The following MYBBP1A variants were observed in gnomAD, a reference collection of about 807,000 sequenced individuals.
MYBBP1A encodes MYB binding protein 1a.
In MYBBP1A, 147 loss-of-function variants were observed where a neutral mutation model predicts 136.3. The ratio of observed to expected loss-of-function variants is 1.08; its 90% CI spans 0.94 to 1.24. The LOEUF (loss-of-function observed/expected upper bound fraction) is 1.24, where lower values mean the gene tolerates loss of function less well. Ranked by LOEUF, MYBBP1A falls within the 50% of genes most tolerant of loss-of-function variation. The pLI, the probability that MYBBP1A is intolerant of heterozygous loss-of-function variation, is 0.00. For synonymous variants in MYBBP1A, 947 were observed against 735.8 expected (o/e 1.29, Z -4.65); for missense variants, 2,060 against 1,727.4 (o/e 1.19, Z -3.41).
chr17:4,545,251 G>T lies in MYBBP1A; in HGVS notation c.2160+8C>A. 9 of 1,612,116 alleles carry T rather than the reference G, an allele frequency of 5.6e-6. No homozygotes were observed. Among genetic ancestry groups the T allele is most frequent in the Non-Finnish European group, 7.6e-6 (9 of 1,179,774 alleles). Reference sequence around the variant, plus strand: ...CCACCGCCCCCGCCCGGCCCATGCTGGCAACACCTCTGCACCCTTCAGCCG... The same window carrying T: ...CCACCGCCCCCGCCCGGCCCATGCTTGCAACACCTCTGCACCCTTCAGCCG... On this transcript the variant is annotated splice_region_variant and intron_variant, in intron 16 of 25. Transcript: ENST00000254718.
chr17:4,544,914 T>G lies in MYBBP1A; in HGVS notation c.2318A>C (p.Glu773Ala), dbSNP rs148686428. Residue 773 changes from glutamate (E) to alanine (A), a missense_variant, in exon 18 of 26, where the codon GAG becomes GCG. Transcript: ENST00000254718. ...CAGCTCCTCCTCGTTCTCACTGTCC[T>G]CTCCACCCTGAGGGACAGAGGCCCA... ...VLQAGKALGG[E>A]DSENEEELGD... The G allele has an allele frequency of 6.3e-7, 1 of 1,599,768 alleles. No homozygotes were observed. Among genetic ancestry groups the G allele is most frequent in the Non-Finnish European group, 8.5e-7 (1 of 1,171,996 alleles).
intron 19 of MYBBP1A, among the ~76,000 whole-genome samples, chr17:4,543,791 G>A (rs556095125): frequency 3.9e-5 from 6 of 152,060 alleles, no homozygotes; most frequent in African/African-American, 1.2e-4. Context: ...GCCTGCCACC[G>A]CCTCCCTCCT....
intron 5 of MYBBP1A, among the ~76,000 whole-genome samples, chr17:4,553,034 C>A (rs1028863253): frequency 2.0e-5 from 3 of 152,280 alleles, no homozygotes; most frequent in East Asian, 3.9e-4. Flanking sequence ...GTTGGCCAGG[C>A]TGGTCTTGAA....
rs147930403 is a variant in MYBBP1A at position 4,552,253 on chromosome 17, C to A, written c.777G>T (p.Lys259Asn). The part of the protein sequence containing the change: ...NVLKMAASSV[K>N]KDRKLPAIAL... ...CAATGGCGGGCAGCTTGCGGTCCTT[C>A]TTCACAGAGGAGGCGGCCATCTTCA... Residue 259 changes from lysine to asparagine, a missense_variant, in exon 7 of 26, where the codon AAG (lysine) becomes AAT (asparagine). Transcript: ENST00000254718. This position sits in a 1 kb window ranked among gnomAD's most constrained non-coding sequence, Gnocchi z 4.7. The A allele has an allele frequency of 1.3e-5, 21 of 1,614,194 alleles. No individual in the cohort carries two copies. The African/African-American group carries it at 2.0e-4, about 15-fold the overall frequency.
Position 4,552,530 on chromosome 17 carries a change from G to A in MYBBP1A, c.658C>T (p.Leu220=). ...TTGGAGGGCACCTTCTGCTGGGCCAGGAGGAAGAGCTCTAGCTGTTCAGGG... is the reference window on the plus strand; with the variant it reads ...TTGGAGGGCACCTTCTGCTGGGCCAAGAGGAAGAGCTCTAGCTGTTCAGGG... ...SSPEQLELFL[L]AQQKVPSKLK... The change falls in exon 6 of 26, where the codon CTG becomes TTG. Residue 220 remains leucine (L), a synonymous_variant. Coordinates refer to ENST00000254718, the MANE Select transcript of MYBBP1A (RefSeq NM_014520.4). This position sits in a 1 kb window ranked among gnomAD's most constrained non-coding sequence, Gnocchi z 4.7. The A allele has an allele frequency of 6.2e-7, 1 of 1,614,058 alleles. No homozygotes were observed. The highest frequency in any genetic ancestry group is 8.5e-7 in the Non-Finnish European group (1 of 1,180,046).
intron 4 of MYBBP1A, 43 bp from the exon 5 acceptor site, chr17:4,553,960 A>T (rs199527841): frequency 1.9e-6 from 3 of 1,612,990 alleles, no homozygotes; most frequent in Non-Finnish European, 2.5e-6. Context: ...AGGGCACACG[A>T]CTGTCCCCCA....
chr17:4,548,316 C>G lies in MYBBP1A; in HGVS notation c.1557-6G>C, dbSNP rs746092948. 3.0e-5 allele frequency: 49 copies of G among 1,611,376 alleles called. No homozygotes were observed. In the East Asian group the frequency reaches 1.1e-3, roughly 35 times the overall value. On this transcript the variant is annotated splice_polypyrimidine_tract_variant and splice_region_variant and intron_variant, in intron 11 of 25. Coordinates refer to ENST00000254718, the MANE Select transcript of MYBBP1A (RefSeq NM_014520.4). This position sits in a 1 kb window ranked among gnomAD's most constrained non-coding sequence, Gnocchi z 4.2. ...TGCTGAGGGTCTGCAACAGACTGGG[C>G]AAGGGATGGGGCTTGGGGTCAGCAG... is the stretch of plus-strand genomic sequence containing the variant.
chr17:4,545,201 C>T (rs753308622), intron 16 of MYBBP1A, 26 bp from the exon 17 acceptor site: 17 of 1,613,056 alleles, frequency 1.1e-5, no homozygotes, highest in Middle Eastern at 1.6e-4. Context: ...AGGCGCGTCA[C>T]ACACCTCCCC....
chr17:4,553,993 T>TCC (rs530898533), intron 4 of MYBBP1A, 26 bp downstream of exon 4: 4 of 1,613,518 alleles, frequency 2.5e-6, no homozygotes, highest in East Asian at 4.5e-5. Context: ...CAGCCTACAT[T>TCC]CCCCCAGTCC....
In MYBBP1A at chr17:4,545,901, G is replaced by A. The variant is rs1251071463; in HGVS notation, c.1866C>T (p.Thr622=). The change falls in exon 14 of 26, where the codon ACC becomes ACT. Residue 622 remains threonine, a synonymous_variant. Transcript: ENST00000254718. The part of the protein sequence containing the change: ...ESCDLLGDIQ[T]CIRKSLGEKP... ...TCTCTCCCAGACTTTTCCTGATGCAGGTCTGGATGTCACCCAGCAGGTCAC... is the reference window on the plus strand; with the variant it reads ...TCTCTCCCAGACTTTTCCTGATGCAAGTCTGGATGTCACCCAGCAGGTCAC... The A allele has an allele frequency of 1.2e-6, 2 of 1,613,278 alleles. No homozygotes were observed. Among genetic ancestry groups the A allele is most frequent in the East Asian group, 4.5e-5 (2 of 44,886 alleles).
rs766924248 is a variant in MYBBP1A at position 4,554,243 on chromosome 17, G to A, written c.330C>T (p.Ser110=). ...ATTTTTCTTGTATCTGCTGCAGGAT[G>A]CTGCACAAGGGGAGGTCTTCAAAAG... ...LQSFEDLPLC[S]ILQQIQEKYD... Residue 110 remains serine, a synonymous_variant, in exon 3 of 26, where the codon AGC becomes AGT. Coordinates refer to ENST00000254718, the MANE Select transcript of MYBBP1A (RefSeq NM_014520.4). 17 of 1,613,968 alleles carry A rather than the reference G, an allele frequency of 1.1e-5. No individual in the cohort carries two copies. The highest frequency in any genetic ancestry group is 1.4e-5 in the Non-Finnish European group (17 of 1,180,032).
chr17:4,541,224 CT>C (rs1567603220), intron 24 of MYBBP1A, among the ~76,000 whole-genome samples: 2 of 152,362 alleles, frequency 1.3e-5, no homozygotes, highest in African/African-American at 2.4e-5. Flanking sequence ...ACCCCACCCC[CT>C]CTCACCCCGC....
At chr17:4,550,007 G>A in intron 9 of MYBBP1A, 51 bp downstream of exon 9, 4 of 1,557,490 alleles carry the variant, frequency 2.6e-6, no homozygotes, top group Non-Finnish European at 3.5e-6. Flanking sequence ...GGCTCTGCAG[G>A]CCTAGGAAGT....
At position 4,539,397 on chromosome 17, in the gene MYBBP1A, G is replaced by T. The variant is rs767050209; in HGVS notation, c.*18C>A. The stretch of plus-strand genomic sequence containing the variant: ...CAGGCAGATGGAGGCAGGGGCTGAG[G>T]GGGGCCCGTACCTGTGCTCAGGGCT... On this transcript the variant is annotated 3_prime_UTR_variant, in exon 26 of 26. Coordinates refer to ENST00000254718, the MANE Select transcript of MYBBP1A (RefSeq NM_014520.4). The T allele has an allele frequency of 1.3e-6, 2 of 1,575,090 alleles. No individual in the cohort carries two copies. Among genetic ancestry groups the T allele is most frequent in the Non-Finnish European group, 1.7e-6 (2 of 1,159,704 alleles).
At chr17:4,550,380 C>T in intron 8 of MYBBP1A, 27 bp from the exon 9 acceptor site, 1 of 1,588,112 alleles carries the variant, frequency 6.3e-7, no homozygotes. Context: ...TGGCGCTGAG[C>T]CCACCAGCCC....
rs201359670 is a variant in MYBBP1A at position 4,552,579 on chromosome 17, G to C, written c.609C>G (p.Ala203=). 1 of 1,613,918 alleles carries C rather than the reference G, an allele frequency of 6.2e-7. No individual in the cohort carries two copies. The highest frequency in any genetic ancestry group is 8.5e-7 in the Non-Finnish European group (1 of 1,180,012). Residue 203 remains alanine, a synonymous_variant, in exon 6 of 26, where the codon GCC becomes GCG. Coordinates refer to ENST00000254718, the MANE Select transcript of MYBBP1A (RefSeq NM_014520.4). The surrounding 1 kb of genome is among the most constrained non-coding windows in gnomAD (Gnocchi z 4.7). ...LQEILPEVLK[A]DLNIILSSPE... ...GGGAGCTGAGTATTATATTCAAGTC[G>C]GCTTTGAGGACCTCCGGCAGGATCT... is the stretch of plus-strand genomic sequence containing the variant.
Position 4,539,735 on chromosome 17 carries a change from G to A in MYBBP1A, c.3667C>T (p.Gln1223Ter), listed in dbSNP as rs1046807405. The A allele has an allele frequency of 6.2e-7, 1 of 1,611,336 alleles. No homozygotes were observed. The highest frequency in any genetic ancestry group is 1.3e-5 in the African/African-American group (1 of 74,768). ...RNRTKAKVPA[Q>*]ANGTPTTKSP... ...TTGGTGGTTGGCGTCCCGTTTGCCT[G>A]GGCTGGGACCTTAGCCTTTGTCCTG... The change falls in exon 26 of 26, where the codon CAG becomes TAG. Residue 1223 changes from glutamine to a stop codon, truncating the protein, a stop_gained. Transcript: ENST00000254718. LOFTEE classifies it low-confidence loss of function (END_TRUNC).
intron 19 of MYBBP1A, 92 bp downstream of exon 19, chr17:4,544,397 C>G: frequency 6.7e-7 from 1 of 1,493,480 alleles, no homozygotes. Context: ...TTGGCTCTCT[C>G]CTTCCTGTGC....
chr17:4,555,117 G>C lies in MYBBP1A; in HGVS notation c.198+10C>G, dbSNP rs1364596017. On this transcript the variant is annotated intron_variant, in intron 1 of 25. Transcript: ENST00000254718. ...ATGCGCAGCCTCTGCCCCAGACCCC[G>C]CCACTCCACCTTCGGCCTGCCACGC... 1 of 1,582,012 alleles carries C rather than the reference G, an allele frequency of 6.3e-7. No individual in the cohort carries two copies. The highest frequency in any genetic ancestry group is 8.6e-7 in the Non-Finnish European group (1 of 1,163,610).
Sources: gnomAD v4.1 joint callset for allele counts (sites outside exome capture counted in the v4.1 genomes callset) on GRCh38, gnomAD v4.1.1 for gene constraint, Gnocchi (gnomAD v3.1) non-coding constraint, MANE v1.5 for transcripts, NCBI Gene and HGNC (gene_info 2026-07-23, HGNC 2026-07-21) for gene names.